The following COLEC12 variants were observed in gnomAD, a reference collection of about 807,000 sequenced individuals.
The protein encoded by COLEC12 is collectin subfamily member 12, also known as collectin-12.
In COLEC12, 33 loss-of-function variants were observed where a neutral mutation model predicts 71.1. The ratio of observed to expected loss-of-function variants is 0.46; its 90% CI spans 0.35 to 0.62. COLEC12 has a LOEUF of 0.62. Ranked by LOEUF, COLEC12 falls within the 20% of genes least tolerant of loss-of-function variation. The pLI is 0.00. For synonymous variants in COLEC12, 350 were observed against 353.0 expected (o/e 0.99, Z 0.10); for missense variants, 765 against 916.1 (o/e 0.84, Z 2.13).
chr18:371,662 G>A (rs1475211967), intron 2 of COLEC12, among the ~76,000 whole-genome samples: 4 of 152,048 alleles, frequency 2.6e-5, no homozygotes, highest in African/African-American at 7.3e-5. Context: ...GGGGAGCTGC[G>A]GCAACAGGGA....
At chr18:349,236 C>A (rs1055940981) in intron 3 of COLEC12, among the ~76,000 whole-genome samples, 2 of 152,206 alleles carry the variant, frequency 1.3e-5, no homozygotes, top group African/African-American at 4.8e-5. Context: ...ACTTGGTGCC[C>A]TGCTTCCCAG....
At chr18:352,992 G>A (rs1007485057) in intron 3 of COLEC12, among the ~76,000 whole-genome samples, 11 of 152,194 alleles carry the variant, frequency 7.2e-5, no homozygotes, top group African/African-American at 2.7e-4. Context: ...GAATATTGGT[G>A]TTTCAGGTAT....
At chr18:350,687 G>A (rs1291442224) in intron 3 of COLEC12, among the ~76,000 whole-genome samples, 2 of 152,022 alleles carry the variant, frequency 1.3e-5, no homozygotes, top group Non-Finnish European at 2.9e-5. Flanking sequence ...CAACACTTTG[G>A]GAGGCTGGGG....
At chr18:437,551 TC>T (rs750292197) in intron 2 of COLEC12, among the ~76,000 whole-genome samples, 58 of 152,312 alleles carry the variant, frequency 3.8e-4, no homozygotes, top group Non-Finnish European at 5.1e-4. Context: ...GAACTTGCAG[TC>T]ATCTGCTCAG....
At chr18:403,899 G>T (rs748551106) in intron 2 of COLEC12, among the ~76,000 whole-genome samples, 43 of 152,216 alleles carry the variant, frequency 2.8e-4, no homozygotes, top group Non-Finnish European at 1.5e-4. Context: ...CAAAGGATTG[G>T]AAGAGGCTTT....
intron 2 of COLEC12, among the ~76,000 whole-genome samples, chr18:373,424 C>T (rs113954149): frequency 4.8e-4 from 73 of 152,220 alleles, no homozygotes; most frequent in Admixed American, 1.0e-3. Context: ...GAAACGGATT[C>T]GGGCAGGACC....
intron 2 of COLEC12, among the ~76,000 whole-genome samples, chr18:459,625 T>C (rs560482692): frequency 2.6e-5 from 4 of 152,240 alleles, no homozygotes; most frequent in Non-Finnish European, 5.9e-5. Flanking sequence ...TTTGCACATC[T>C]GGTGCAGCAG....
intron 2 of COLEC12, among the ~76,000 whole-genome samples, chr18:416,302 C>T (rs1915984965): frequency 6.6e-6 from 1 of 152,102 alleles, no homozygotes. Flanking sequence ...AAGAACTGAT[C>T]CCACACTGGC....
chr18:483,250 A>C (rs566345009), intron 1 of COLEC12, among the ~76,000 whole-genome samples: 1 of 152,126 alleles, frequency 6.6e-6, no homozygotes, highest in Admixed American at 6.5e-5. Flanking sequence ...AAATATAAAA[A>C]TTAGCCGGGC....
chr18:376,018 AT>A (rs577346787), intron 2 of COLEC12, among the ~76,000 whole-genome samples: 45 of 152,308 alleles, frequency 3.0e-4, no homozygotes, highest in African/African-American at 1.0e-3. Flanking sequence ...GCTCAGAGTA[AT>A]TTACCTGAAG....
At chr18:417,041 GAC>G (rs35399538) in intron 2 of COLEC12, among the ~76,000 whole-genome samples, 2,395 of 150,212 alleles carry the variant, frequency 0.016, 50 homozygotes, top group African/African-American at 0.05. Flanking sequence ...CATGCACCCA[GAC>G]ACACACACAC....
chr18:349,425 A>G (rs925951993), intron 3 of COLEC12, among the ~76,000 whole-genome samples: 2 of 152,198 alleles, frequency 1.3e-5, no homozygotes, highest in African/African-American at 4.8e-5. Context: ...ACTCTTGGAT[A>G]CCCAGGGAGA....
At chr18:493,958 G>T (rs899985011) in intron 1 of COLEC12, among the ~76,000 whole-genome samples, 1 of 151,994 alleles carries the variant, frequency 6.6e-6, no homozygotes, top group Non-Finnish European at 1.5e-5. Flanking sequence ...AAAATATCAT[G>T]TCATCAGTAG....
At chr18:365,950 C>G (rs1477097599) in intron 2 of COLEC12, among the ~76,000 whole-genome samples, 1 of 152,166 alleles carries the variant, frequency 6.6e-6, no homozygotes, top group Non-Finnish European at 1.5e-5. Context: ...TTATACACAG[C>G]CAGGCTGGCT....
intron 2 of COLEC12, among the ~76,000 whole-genome samples, chr18:361,009 A>G (rs1250027702): frequency 6.6e-6 from 1 of 152,028 alleles, no homozygotes; most frequent in Non-Finnish European, 1.5e-5. Flanking sequence ...CAACTCAACT[A>G]CTATTTCTAT....
intron 2 of COLEC12, among the ~76,000 whole-genome samples, chr18:474,966 C>G (rs537597350): frequency 6.6e-6 from 1 of 152,042 alleles, no homozygotes; most frequent in South Asian, 2.1e-4. Flanking sequence ...CCCAGCTACT[C>G]AGGAGGCTGA....
chr18:455,570 C>T (rs1916852573), intron 2 of COLEC12, among the ~76,000 whole-genome samples: 2 of 152,086 alleles, frequency 1.3e-5, no homozygotes, highest in Admixed American at 6.5e-5. Context: ...TGGTGGTTTG[C>T]TGCACCCATC....
In COLEC12 at chr18:463,670, C is replaced by A. The variant is rs141101208; in HGVS notation, c.58+17037G>T. ...TACACAGTCAGAGCCAGCGACATCT[C>A]GGAGTCACAGATAAAAGTGTCTTGT... On this transcript the variant is annotated intron_variant, in intron 2 of 9. Coordinates refer to ENST00000400256, the MANE Select transcript of COLEC12 (RefSeq NM_130386.3). Among the ~76,000 whole-genome samples, 460 of 152,218 alleles carry A rather than the reference C, an allele frequency of 3.0e-3. 3 individuals carry two copies. The highest frequency in any genetic ancestry group is 0.01 in the African/African-American group (425 of 41,528).
intron 2 of COLEC12, among the ~76,000 whole-genome samples, chr18:465,051 C>G (rs1046089386): frequency 7.2e-5 from 11 of 152,298 alleles, no homozygotes; most frequent in African/African-American, 2.6e-4. Flanking sequence ...CCCTTCTTAC[C>G]TGCTTTCTGG....
Sources: gnomAD v4.1 joint callset for allele counts (sites outside exome capture counted in the v4.1 genomes callset) on GRCh38, gnomAD v4.1.1 for gene constraint, MANE v1.5 for transcripts, NCBI Gene and HGNC (gene_info 2026-07-23, HGNC 2026-07-21) for gene names.